Variants in MPDZ observed in about 807,000 individuals in gnomAD.
MPDZ encodes multiple PDZ domain crumbs cell polarity complex component.
Under a neutral mutation model 239.1 loss-of-function variants are expected in MPDZ, and 234 were observed. That is an observed-to-expected ratio of 0.98 (90% CI 0.88 to 1.09). MPDZ has a LOEUF of 1.09. MPDZ is among the 50% of genes least tolerant of loss of function. The pLI is 0.00. For missense variants in MPDZ, 3,175 were observed against 2,510.0 expected, an observed-to-expected ratio of 1.26 and a Z score of -5.66; for synonymous variants, 1,048 against 881.3, an observed-to-expected ratio of 1.19 and a Z score of -3.35.
chr9:13,252,896 C>T (rs930689844), intron 1 of MPDZ, among the ~76,000 whole-genome samples: 1 of 152,138 alleles, frequency 6.6e-6, no homozygotes, highest in Non-Finnish European at 1.5e-5. Flanking sequence ...TAAATTTCAA[C>T]TAGCTATACG....
At chr9:13,203,896 G>C (rs1335077802) in intron 12 of MPDZ, among the ~76,000 whole-genome samples, 1 of 151,988 alleles carries the variant, frequency 6.6e-6, no homozygotes, top group Non-Finnish European at 1.5e-5. Context: ...CAAGTATCAT[G>C]CTCTAAACAA....
In MPDZ at chr9:13,196,250, T is replaced by C; in HGVS notation, c.1547-20A>G. The C allele has an allele frequency of 6.6e-7, 1 of 1,519,566 alleles. No homozygotes were observed. The highest frequency in any genetic ancestry group is 9.0e-7 in the Non-Finnish European group (1 of 1,110,212). 94.1% of individuals were successfully genotyped at this position (1,519,566 alleles called of 1,614,324 possible). On this transcript the variant is annotated intron_variant, in intron 12 of 46. Coordinates refer to ENST00000319217, the MANE Select transcript of MPDZ (RefSeq NM_001378778.1). ...GATACCCTGAAACAGTCAAGGCAAT[T>C]AAGTTAGCAGCAAACTACAGAAATC... is the stretch of plus-strand genomic sequence containing the variant.
intron 1 of MPDZ, among the ~76,000 whole-genome samples, chr9:13,270,076 A>G (rs1436915180): frequency 2.0e-5 from 3 of 152,210 alleles, no homozygotes; most frequent in Non-Finnish European, 4.4e-5. Context: ...AAAAGGGCTT[A>G]TTCTTTCAAT....
intron 3 of MPDZ, among the ~76,000 whole-genome samples, chr9:13,237,924 T>C (rs1461285658): frequency 6.6e-6 from 1 of 152,174 alleles, no homozygotes; most frequent in Non-Finnish European, 1.5e-5. Context: ...AATTAAGCTT[T>C]AGTTAAAAAA....
rs765815015 is a variant in MPDZ at position 13,176,398 on chromosome 9, C to A, written c.2669G>T (p.Cys890Phe). ...SPPKDVIENS[C>F]DPVLDLHMSL... ...CATATGCAGATCAAGTACTGGATCA[C>A]AAGAATTTTCAATAACATCCTGGTA... Residue 890 changes from cysteine to phenylalanine, a missense_variant, in exon 20 of 47, where the codon TGT (cysteine) becomes TTT (phenylalanine). Coordinates refer to ENST00000319217, the MANE Select transcript of MPDZ (RefSeq NM_001378778.1). The A allele has an allele frequency of 4.5e-6, 7 of 1,570,272 alleles. No individual in the cohort carries two copies. Among genetic ancestry groups the A allele is most frequent in the Non-Finnish European group, 6.0e-6 (7 of 1,157,616 alleles).
chr9:13,265,577 AAAG>A (rs1971610898), intron 1 of MPDZ, among the ~76,000 whole-genome samples: 1 of 152,192 alleles, frequency 6.6e-6, no homozygotes, highest in African/African-American at 2.4e-5. Context: ...CTCAAAAAGA[AAAG>A]AAGAAAAGAA....
intron 1 of MPDZ, among the ~76,000 whole-genome samples, chr9:13,268,853 C>T (rs565313497): frequency 1.4e-4 from 21 of 152,286 alleles, no homozygotes; most frequent in Admixed American, 3.3e-4. Context: ...GCCCTGCAGG[C>T]ATGCTGGACC....
intron 39 of MPDZ, among the ~76,000 whole-genome samples, chr9:13,117,098 A>G (rs1257739713): frequency 6.6e-6 from 1 of 152,096 alleles, no homozygotes; most frequent in Admixed American, 6.6e-5. Context: ...ATTAGACATA[A>G]GAGGATAATA....
intron 45 of MPDZ, 120 bp from the exon 46 acceptor site, chr9:13,109,179 G>T: frequency 1.2e-6 from 1 of 821,240 alleles, no homozygotes; most frequent in Non-Finnish European, 1.6e-6. Context: ...CTGACAAGGA[G>T]TATATTACGG....
intron 1 of MPDZ, among the ~76,000 whole-genome samples, chr9:13,276,287 G>A (rs1353000717): frequency 6.6e-6 from 1 of 152,148 alleles, no homozygotes; most frequent in African/African-American, 2.4e-5. Flanking sequence ...TTATCGAGAA[G>A]TAGTTATTTA....
At chr9:13,190,067 T>C (rs1482836495) in intron 16 of MPDZ, 47 bp downstream of exon 16, 1 of 1,521,950 alleles carries the variant, frequency 6.6e-7, no homozygotes, top group Admixed American at 1.9e-5. Context: ...TTTTCTTTGA[T>C]AGCAACAATA....
At chr9:13,267,893 A>T (rs1330945558) in intron 1 of MPDZ, among the ~76,000 whole-genome samples, 1 of 152,168 alleles carries the variant, frequency 6.6e-6, no homozygotes, top group Non-Finnish European at 1.5e-5. Flanking sequence ...TTCTCCCACC[A>T]AAGTGAAATC....
At chr9:13,187,864 C>A (rs1231013104) in intron 17 of MPDZ, among the ~76,000 whole-genome samples, 1 of 152,150 alleles carries the variant, frequency 6.6e-6, no homozygotes, top group African/African-American at 2.4e-5. Flanking sequence ...GCAATCACTA[C>A]ATTTAATATA....
Position 13,265,956 on chromosome 9 carries a change from A to G in MPDZ, c.-58+13444T>C, listed in dbSNP as rs1422652247. 3.3e-5 allele frequency among the ~76,000 whole-genome samples: 5 copies of G among 152,302 alleles called. No homozygotes were observed. The East Asian group carries it at 5.8e-4, about 18-fold the overall frequency. ...AACTTCAGGTTTATATATTCTCCCA[A>G]GATCATTTTCTAGGACTTTCCCAAC... On this transcript the variant is annotated intron_variant, in intron 1 of 46. Coordinates refer to ENST00000319217, the MANE Select transcript of MPDZ (RefSeq NM_001378778.1).
chr9:13,217,886 T>G (rs1412112), intron 8 of MPDZ, among the ~76,000 whole-genome samples: 125,974 of 151,616 alleles, frequency 0.83, 52,796 homozygotes, highest in East Asian at 0.99. Context: ...AGTGGGTTTC[T>G]CAGATGCCAC....
intron 3 of MPDZ, among the ~76,000 whole-genome samples, chr9:13,232,575 G>C (rs1317884243): frequency 3.3e-5 from 5 of 151,134 alleles, no homozygotes; most frequent in African/African-American, 7.3e-5. Context: ...GCTTCTGAGA[G>C]AAAATCTCTG....
intron 10 of MPDZ, among the ~76,000 whole-genome samples, chr9:13,209,493 C>A (rs1001170976): frequency 1.3e-5 from 2 of 152,222 alleles, no homozygotes; most frequent in African/African-American, 2.4e-5. Context: ...TGGAAAAAAA[C>A]CATACAATCT....
chr9:13,212,423 T>C (rs1210709737), intron 10 of MPDZ, among the ~76,000 whole-genome samples: 1 of 152,060 alleles, frequency 6.6e-6, no homozygotes, highest in Non-Finnish European at 1.5e-5. Context: ...AAGCTGGTTA[T>C]TAAAAGAGTA....
chr9:13,196,310 GA>G, intron 12 of MPDZ, 80 bp from the exon 13 acceptor site: 1 of 937,226 alleles, frequency 1.1e-6, no homozygotes, highest in Non-Finnish European at 1.7e-6. Context: ...AGGATTCTCT[GA>G]TCAGAACCCG....
Sources: allele counts gnomAD v4.1 joint callset (sites outside exome capture counted in the v4.1 genomes callset), GRCh38; gene constraint gnomAD v4.1.1; transcripts MANE v1.5; gene names NCBI Gene and HGNC (gene_info 2026-07-23, HGNC 2026-07-21).